Variants in MERTK observed in about 807,000 individuals in gnomAD.
MERTK encodes tyrosine-protein kinase Mer.
MERTK carries 69 observed loss-of-function variants against 99.3 expected under a neutral mutation model. That is an observed-to-expected ratio of 0.70 (90% CI 0.57 to 0.85). The LOEUF (loss-of-function observed/expected upper bound fraction) is 0.85. Among genes scored for constraint, MERTK ranks in the 40% least tolerant of loss-of-function variants. The pLI, the probability that MERTK is intolerant of heterozygous loss-of-function variation, is 0.00. For synonymous variants in MERTK, 426 were observed against 467.6 expected (o/e 0.91, Z 1.15); for missense variants, 1,125 against 1,249.4 (o/e 0.90, Z 1.50).
chr2:111,962,598 C>T (rs1392409708), intron 4 of MERTK, among the ~76,000 whole-genome samples: 1 of 152,178 alleles, frequency 6.6e-6, no homozygotes. Flanking sequence ...CCCCACTTTC[C>T]CCTATCGTTA....
chr2:111,987,241 C>T (rs1021705118), intron 8 of MERTK, among the ~76,000 whole-genome samples: 13 of 151,802 alleles, frequency 8.6e-5, no homozygotes, highest in African/African-American at 2.7e-4. Context: ...CTTGGCTTAT[C>T]GCAGCTACAC....
chr2:112,019,140 A>G (rs1394373348), intron 15 of MERTK, among the ~76,000 whole-genome samples: 1 of 152,176 alleles, frequency 6.6e-6, no homozygotes, highest in African/African-American at 2.4e-5. Flanking sequence ...GTTTGACCTC[A>G]TACCTTCTAA....
At position 111,961,665 on chromosome 2, in the gene MERTK, C is replaced by T. The variant is rs867552522; in HGVS notation, c.758-3526C>T. On this transcript the variant is annotated intron_variant, in intron 4 of 18. Transcript: ENST00000295408. ...TGGGTTTGCTTTTCCCTGAGGGACCCGTGTGTAGTCAGGGAAACGCAGACA... is the reference window on the plus strand; with the variant it reads ...TGGGTTTGCTTTTCCCTGAGGGACCTGTGTGTAGTCAGGGAAACGCAGACA... 4.6e-5 allele frequency among the ~76,000 whole-genome samples: 7 copies of T among 152,130 alleles called. No homozygotes were observed. The South Asian group carries it at 1.0e-3, about 23-fold the overall frequency.
intron 5 of MERTK, among the ~76,000 whole-genome samples, chr2:111,967,302 T>G (rs938965839): frequency 1.3e-5 from 2 of 152,216 alleles, no homozygotes; most frequent in African/African-American, 4.8e-5. Context: ...ATTGTAAGAC[T>G]ACTTCTCTAA....
intron 1 of MERTK, among the ~76,000 whole-genome samples, chr2:111,923,998 G>A (rs1447036242): frequency 6.6e-6 from 1 of 151,964 alleles, no homozygotes; most frequent in African/African-American, 2.4e-5. Flanking sequence ...ACACAGGGCT[G>A]GTGAGGTTAT....
intron 16 of MERTK, among the ~76,000 whole-genome samples, chr2:112,020,189 G>A (rs1220172123): frequency 1.3e-5 from 2 of 152,312 alleles, no homozygotes; most frequent in Non-Finnish European, 1.5e-5. Context: ...CCTCCCAGCC[G>A]ACCCTGCCCC....
At position 111,898,621 on chromosome 2, in the gene MERTK, G is replaced by T; in HGVS notation, c.-115G>T. On this transcript the variant is annotated 5_prime_UTR_variant, in exon 1 of 19. Coordinates refer to ENST00000295408, the MANE Select transcript of MERTK (RefSeq NM_006343.3). ...TTGGCTCCGCCACTCGGCACTCACTGCCCGGGCCGCCCGGACAGGGAGCTT... is the reference window on the plus strand; with the variant it reads ...TTGGCTCCGCCACTCGGCACTCACTTCCCGGGCCGCCCGGACAGGGAGCTT... 2.3e-6 allele frequency: 3 copies of T among 1,314,350 alleles called. No homozygotes were observed. Among genetic ancestry groups the T allele is most frequent in the Non-Finnish European group, 3.2e-6 (3 of 936,722 alleles). The allele number at this position is 1,314,350 out of a possible 1,614,324, so 81.4% of individuals were successfully genotyped here.
At position 111,964,043 on chromosome 2, in the gene MERTK, C is replaced by CTTTTTTTTTTTTTTTTTTTTTTTTT. The variant is rs56693776; in HGVS notation, c.758-1136_758-1135insTTTTTTTTTTTTTTTTTTTTTTTTT. Among the ~76,000 whole-genome samples, 12 of 103,854 alleles carry CTTTTTTTTTTTTTTTTTTTTTTTTT rather than the reference C, an allele frequency of 1.2e-4. 3 individuals carry two copies. The highest frequency in any genetic ancestry group is 1.9e-4 in the Non-Finnish European group (10 of 51,282). 68.1% of individuals were successfully genotyped at this position (103,854 alleles called of 152,430 possible). A position where few individuals can be genotyped will look rare whatever the true frequency, so the allele number is the denominator to read the frequency against. The stretch of plus-strand genomic sequence containing the variant: ...GTTTCTCCACTCAAAAATTTTCTTT[C>CTTTTTTTTTTTTTTTTTTTTTTTTT]TTTTTTTTTTTTGCTCTTTCCATAA... On this transcript the variant is annotated intron_variant, in intron 4 of 18. Coordinates refer to ENST00000295408, the MANE Select transcript of MERTK (RefSeq NM_006343.3).
intron 8 of MERTK, among the ~76,000 whole-genome samples, chr2:111,991,049 G>A (rs1466498901): frequency 6.6e-6 from 1 of 152,136 alleles, no homozygotes; most frequent in South Asian, 2.1e-4. Flanking sequence ...GCTGTCTACC[G>A]TGAAGCAGAT....
chr2:111,944,303 C>CA (rs776451722), intron 2 of MERTK, among the ~76,000 whole-genome samples: 3,781 of 67,586 alleles, frequency 0.056, 171 homozygotes, highest in African/African-American at 0.084. Flanking sequence ...GAATCTGTCT[C>CA]AAAAAAAAAA....
chr2:111,920,746 C>G (rs912871400), intron 1 of MERTK, among the ~76,000 whole-genome samples: 1 of 152,024 alleles, frequency 6.6e-6, no homozygotes, highest in Non-Finnish European at 1.5e-5. Context: ...TTCTGCCTCC[C>G]GGGTTCAAGC....
chr2:111,981,581 C>T (rs896390759), intron 7 of MERTK, among the ~76,000 whole-genome samples: 2 of 152,096 alleles, frequency 1.3e-5, no homozygotes, highest in African/African-American at 2.4e-5. Flanking sequence ...ATGAATATAA[C>T]ATCACCTACA....
chr2:111,965,093 G>C (rs771363024), intron 4 of MERTK, 98 bp from the exon 5 acceptor site: 14 of 1,213,188 alleles, frequency 1.2e-5, no homozygotes, highest in Non-Finnish European at 1.7e-5. Flanking sequence ...CAAAAGCCAT[G>C]AACCAAGAAA....
intron 2 of MERTK, among the ~76,000 whole-genome samples, chr2:111,939,056 T>C (rs115196581): frequency 0.016 from 2,367 of 152,320 alleles, 59 homozygotes; most frequent in African/African-American, 0.053. Flanking sequence ...GTCTGTTTTC[T>C]GTTGCTTATA....
At chr2:112,008,242 G>C in intron 13 of MERTK, 141 bp from the exon 14 acceptor site, 2 of 711,042 alleles carry the variant, frequency 2.8e-6, no homozygotes, top group South Asian at 3.0e-5. Flanking sequence ...ACTAGCCCCT[G>C]ACAACCACTC....
At chr2:112,007,304 G>A (rs1351552770) in intron 13 of MERTK, among the ~76,000 whole-genome samples, 2 of 152,080 alleles carry the variant, frequency 1.3e-5, no homozygotes, top group African/African-American at 4.8e-5. Flanking sequence ...ACAGGCGCCC[G>A]CCACCACGCC....
intron 2 of MERTK, among the ~76,000 whole-genome samples, chr2:111,938,375 C>T (rs750987634): frequency 9.9e-5 from 15 of 152,282 alleles, no homozygotes; most frequent in Non-Finnish European, 1.8e-4. Flanking sequence ...CTTTCTTTCT[C>T]TGTGAGTTTG....
intron 7 of MERTK, among the ~76,000 whole-genome samples, chr2:111,980,976 G>A (rs1248568808): frequency 6.6e-6 from 1 of 152,162 alleles, no homozygotes; most frequent in South Asian, 2.1e-4. Flanking sequence ...GGGGTTTTGG[G>A]AGGAGGCAGA....
intron 2 of MERTK, among the ~76,000 whole-genome samples, chr2:111,931,030 T>C (rs1240572901): frequency 6.6e-6 from 1 of 152,166 alleles, no homozygotes; most frequent in Non-Finnish European, 1.5e-5. Context: ...AGTGGAGCCT[T>C]CTTTGATCTG....
Sources: allele counts gnomAD v4.1 joint callset (sites outside exome capture counted in the v4.1 genomes callset), GRCh38; gene constraint gnomAD v4.1.1; transcripts MANE v1.5; gene names NCBI Gene and HGNC (gene_info 2026-07-23, HGNC 2026-07-21).